Variants in SOX5 observed in about 807,000 individuals in gnomAD.
SOX5 encodes the protein transcription factor SOX-5.
Under a neutral mutation model 92.0 loss-of-function variants are expected in SOX5, and 9 were observed. The observed-to-expected ratio is 0.10, with a 90% CI of 0.06 to 0.17. SOX5 has a LOEUF of 0.17. SOX5 is among the 10% of genes least tolerant of loss of function. The pLI, the probability that SOX5 is intolerant of heterozygous loss-of-function variation, is 1.00. For synonymous variants in SOX5, 344 were observed against 336.3 expected (o/e 1.02, Z -0.25); for missense variants, 642 against 944.5 (o/e 0.68, Z 4.20).
At chr12:24,389,535 A>T (rs754835182) in intron 1 of SOX5, among the ~76,000 whole-genome samples, 17 of 152,226 alleles carry the variant, frequency 1.1e-4, no homozygotes, top group Non-Finnish European at 2.2e-4. Flanking sequence ...TTAACCCAGC[A>T]TCCATTAGCT....
At chr12:23,663,833 T>G (rs999505036) in intron 7 of SOX5, among the ~76,000 whole-genome samples, 1 of 152,060 alleles carries the variant, frequency 6.6e-6, no homozygotes, top group Non-Finnish European at 1.5e-5. Flanking sequence ...AGAATGAATA[T>G]AGTATTTAAT....
chr12:23,652,971 G>T (rs2081812093), intron 7 of SOX5, among the ~76,000 whole-genome samples: 1 of 151,860 alleles, frequency 6.6e-6, no homozygotes, highest in Non-Finnish European at 1.5e-5. Flanking sequence ...AGCATGCTTT[G>T]ATGTGGATAT....
chr12:23,728,055 G>T (rs183976778), intron 6 of SOX5, among the ~76,000 whole-genome samples: 1 of 151,972 alleles, frequency 6.6e-6, no homozygotes, highest in East Asian at 1.9e-4. Context: ...TTTTAAAGTG[G>T]CTCCCTCTGA....
intron 4 of SOX5, among the ~76,000 whole-genome samples, chr12:23,966,241 A>AAAAAAAAAAAAAAAAAAGT (rs1569302878): frequency 7.7e-6 from 1 of 129,216 alleles, no homozygotes. Flanking sequence ...AAAAAAAAAA[A>AAAAAAAAAAAAAAAAAAGT]GCTGTTTGGG....
chr12:24,452,928 TG>T (rs1219750868), intron 1 of SOX5, among the ~76,000 whole-genome samples: 2 of 152,222 alleles, frequency 1.3e-5, no homozygotes, highest in African/African-American at 4.8e-5. Context: ...GCAAACCAGC[TG>T]GCTTCAATGC....
At chr12:23,859,719 G>A (rs527571961) in intron 2 of SOX5, among the ~76,000 whole-genome samples, 25 of 152,216 alleles carry the variant, frequency 1.6e-4, no homozygotes, top group African/African-American at 4.8e-4. Flanking sequence ...TGGGCATCAC[G>A]GAATCTGCTG....
chr12:24,092,141 T>A (rs1476200088), intron 4 of SOX5, among the ~76,000 whole-genome samples: 1 of 152,148 alleles, frequency 6.6e-6, no homozygotes, highest in African/African-American at 2.4e-5. Flanking sequence ...AGAACATCAG[T>A]TTTCATCTCA....
chr12:24,379,033 A>ACAGC lies in SOX5; in HGVS notation c.-250-10398_-250-10395dup, dbSNP rs1284955893. Among the ~76,000 whole-genome samples the ACAGC allele has an allele frequency of 1.8e-3, 271 of 152,344 alleles. 2 individuals are homozygous for ACAGC. Among genetic ancestry groups the ACAGC allele is most frequent in the Non-Finnish European group, 2.9e-4 (20 of 68,034 alleles). ...CCATACTGTCCTACAGCAAAAGCAC[A>ACAGC]CAGCTCTTACCCATTGGAACACGGC... On this transcript the variant is annotated intron_variant, in intron 1 of 4. Transcript: ENST00000446891.
At chr12:24,230,393 G>GA (rs372015154) in intron 3 of SOX5, among the ~76,000 whole-genome samples, 11 of 151,942 alleles carry the variant, frequency 7.2e-5, no homozygotes, top group African/African-American at 2.4e-4. Context: ...GGTAGAAAAA[G>GA]AAAAAAAGCT....
At chr12:24,298,525 T>C (rs1947555973) in intron 2 of SOX5, among the ~76,000 whole-genome samples, 2 of 152,196 alleles carry the variant, frequency 1.3e-5, no homozygotes, top group African/African-American at 4.8e-5. Context: ...AGATGAGTAA[T>C]AGGGCCAGGT....
At chr12:23,734,589 T>C in intron 6 of SOX5, 95 bp downstream of exon 6, 1 of 921,672 alleles carries the variant, frequency 1.1e-6, no homozygotes. Flanking sequence ...GAAAGTCATT[T>C]TTATTTTGGA....
intron 1 of SOX5, among the ~76,000 whole-genome samples, chr12:24,535,869 C>T (rs188308401): frequency 6.6e-6 from 1 of 152,224 alleles, no homozygotes; most frequent in Admixed American, 6.5e-5. Flanking sequence ...CCACTATAAG[C>T]GGCTGACAAT....
chr12:23,832,942 C>T (rs1412340248), intron 3 of SOX5, among the ~76,000 whole-genome samples: 3 of 151,970 alleles, frequency 2.0e-5, no homozygotes, highest in African/African-American at 2.4e-5. Flanking sequence ...GACTAAACTA[C>T]ATAGATGTTA....
chr12:23,956,813 G>A (rs897166038), intron 4 of SOX5, among the ~76,000 whole-genome samples: 1 of 152,066 alleles, frequency 6.6e-6, no homozygotes, highest in Admixed American at 6.6e-5. Context: ...AGCCTCCTGA[G>A]TAGCTTGGAT....
intron 4 of SOX5, among the ~76,000 whole-genome samples, chr12:24,042,553 T>G (rs7965514): frequency 1.3e-5 from 2 of 151,906 alleles, no homozygotes; most frequent in African/African-American, 4.8e-5. Context: ...AATTATAGTG[T>G]CATCCATATC....
chr12:23,994,756 A>G (rs1950879639), intron 4 of SOX5, among the ~76,000 whole-genome samples: 1 of 152,146 alleles, frequency 6.6e-6, no homozygotes, highest in Admixed American at 6.6e-5. Context: ...ATCCACCATT[A>G]TGGTCACTAG....
chr12:24,394,855 G>A (rs1277918248), intron 1 of SOX5, among the ~76,000 whole-genome samples: 2 of 152,168 alleles, frequency 1.3e-5, no homozygotes, highest in African/African-American at 4.8e-5. Flanking sequence ...CAATCATGTT[G>A]TGTTATTCTT....
At position 23,664,445 on chromosome 12, in the gene SOX5, A is replaced by T. The variant is rs1459982498; in HGVS notation, c.931+999T>A. On this transcript the variant is annotated intron_variant, in intron 7 of 14. Transcript: ENST00000451604. ...CACTTTTATCAATGAAAATATTTCAATGAACTTGCTTTTACTATTTTCCTT... is the reference window on the plus strand; with the variant it reads ...CACTTTTATCAATGAAAATATTTCATTGAACTTGCTTTTACTATTTTCCTT... Among the ~76,000 whole-genome samples, 3 of 152,140 alleles carry T rather than the reference A, an allele frequency of 2.0e-5. No homozygotes were observed. The East Asian group carries it at 5.8e-4, about 29-fold the overall frequency.
chr12:23,967,208 G>A lies in SOX5; in HGVS notation c.-1-71184C>T, dbSNP rs1050280668. ...AGTAAGGAAATGAATTTGAAAAGTC[G>A]ACACTAGGTGGGTCCATAGTAATGA... On this transcript the variant is annotated intron_variant, in intron 4 of 4. Transcript: ENST00000446891. 3.9e-5 allele frequency among the ~76,000 whole-genome samples: 6 copies of A among 152,064 alleles called. No individual in the cohort carries two copies. The East Asian group carries it at 5.8e-4, about 15-fold the overall frequency.
Sources: allele counts gnomAD v4.1 joint callset (sites outside exome capture counted in the v4.1 genomes callset), GRCh38; gene constraint gnomAD v4.1.1; transcripts MANE v1.5; gene names NCBI Gene and HGNC (gene_info 2026-07-23, HGNC 2026-07-21).